DNA2: variants seen among roughly 807,000 people sequenced by gnomAD.
DNA2 encodes DNA replication ATP-dependent helicase/nuclease DNA2.
DNA2 carries 101 observed loss-of-function variants against 119.1 expected under a neutral mutation model. That is an observed-to-expected ratio of 0.85 (90% CI 0.72 to 1.00). The LOEUF (loss-of-function observed/expected upper bound fraction) is 1.00, where lower values mean the gene tolerates loss of function less well. DNA2 is among the 50% of genes least tolerant of loss of function. The pLI is 0.00. For synonymous variants in DNA2, 366 were observed against 424.4 expected (o/e 0.86, Z 1.69); for missense variants, 1,121 against 1,255.5 (o/e 0.89, Z 1.62).
At position 68,414,869 on chromosome 10, in the gene DNA2, C is replaced by CA. The variant is rs1160376323; in HGVS notation, c.*169dup. 2.3e-6 allele frequency: 1 copy of CA among 427,974 alleles called. No homozygotes were observed. Among genetic ancestry groups the CA allele is most frequent in the African/African-American group, 2.0e-5 (1 of 49,232 alleles). 26.5% of individuals were successfully genotyped at this position (427,974 alleles called of 1,614,324 possible). A position where few individuals can be genotyped will look rare whatever the true frequency, so the allele number is the denominator to read the frequency against. ...TATCAAACTCTTTCTCTAGGTTAGG[C>CA]AAAAATGCATGCATAGAACCCATAA... is the stretch of plus-strand genomic sequence containing the variant. On this transcript the variant is annotated 3_prime_UTR_variant, in exon 21 of 21. Coordinates refer to ENST00000358410, the MANE Select transcript of DNA2 (RefSeq NM_001080449.3).
chr10:68,472,194 A>C (rs1026977613), upstream of DNA2: 16 of 1,263,840 alleles, frequency 1.3e-5, no homozygotes, highest in Non-Finnish European at 1.5e-5. Flanking sequence ...TCCCGGGTTC[A>C]CACCATTCTC....
At position 68,419,812 on chromosome 10, in the gene DNA2, A is replaced by G; in HGVS notation, c.2778T>C (p.Ile926=). Residue 926 remains isoleucine (I), a synonymous_variant, in exon 18 of 21, where the codon ATT becomes ATC. Coordinates refer to ENST00000358410, the MANE Select transcript of DNA2 (RefSeq NM_001080449.3). ...EAKLIVFLTS[I]FVKAGCSPSD... ...GAAAATTCTAAATTACCTTAACAAA[A>G]ATGGAGGTTAGGAAAACTATGAGTT... The G allele has an allele frequency of 6.2e-7, 1 of 1,612,904 alleles. No individual in the cohort carries two copies. The highest frequency in any genetic ancestry group is 8.5e-7 in the Non-Finnish European group (1 of 1,179,024).
rs180945539 is a variant in DNA2, at chr10:68,458,479, A to C, written c.719+625T>G. On this transcript the variant is annotated intron_variant, in intron 5 of 20. Transcript: ENST00000358410. ...ACCCCGGGAGGCGGAGGTTGCAGTAAGCCGAAATCATGCCACTGCACTCCA... is the reference window on the plus strand; with the variant it reads ...ACCCCGGGAGGCGGAGGTTGCAGTACGCCGAAATCATGCCACTGCACTCCA... Among the ~76,000 whole-genome samples the C allele has an allele frequency of 9.4e-4, 142 of 151,234 alleles. 1 individual carries two copies. The highest frequency in any genetic ancestry group is 2.0e-3 in the Admixed American group (31 of 15,184).
rs780190996 is a variant in DNA2, at chr10:68,414,346, C to T, written c.*693G>A. On this transcript the variant is annotated 3_prime_UTR_variant, in exon 21 of 21. Transcript: ENST00000358410. ...GGGAAAACTGAGTGATACCCCCAAA[C>T]ATAGGGGCATATGAACATATGTGAA... is the stretch of plus-strand genomic sequence containing the variant. The T allele has an allele frequency of 2.0e-5, 3 of 152,046 alleles. No homozygotes were observed. The highest frequency in any genetic ancestry group is 4.4e-5 in the Non-Finnish European group (3 of 68,010). 9.4% of individuals were successfully genotyped at this position (152,046 alleles called of 1,614,324 possible). A position where few individuals can be genotyped will look rare whatever the true frequency, so the allele number is the denominator to read the frequency against.
At chr10:68,416,011 A>G (rs895258833) in intron 20 of DNA2, among the ~76,000 whole-genome samples, 12 of 152,088 alleles carry the variant, frequency 7.9e-5, no homozygotes, top group Non-Finnish European at 5.9e-5. Flanking sequence ...CCTCCTCTCT[A>G]TTAAAAATTT....
At chr10:68,427,503 C>T (rs1452425136) in intron 14 of DNA2, among the ~76,000 whole-genome samples, 1 of 150,948 alleles carries the variant, frequency 6.6e-6, no homozygotes, top group Non-Finnish European at 1.5e-5. Context: ...AAATATTAGG[C>T]AGGCATGGTG....
chr10:68,452,078 T>C (rs1021226689), intron 5 of DNA2, among the ~76,000 whole-genome samples: 2 of 152,078 alleles, frequency 1.3e-5, no homozygotes, highest in African/African-American at 4.8e-5. Flanking sequence ...TTATCTAAAA[T>C]TTCTTTTTCT....
intron 5 of DNA2, among the ~76,000 whole-genome samples, chr10:68,454,386 C>G (rs570149475): frequency 1.3e-4 from 20 of 149,886 alleles, no homozygotes; most frequent in Middle Eastern, 3.5e-3. Flanking sequence ...TGGGTTAAGA[C>G]TCCACCAAAG....
At chr10:68,466,131 A>G (rs893693391) in intron 3 of DNA2, among the ~76,000 whole-genome samples, 7 of 151,684 alleles carry the variant, frequency 4.6e-5, no homozygotes, top group African/African-American at 1.7e-4. Context: ...AATGATTCTC[A>G]TGCCTCAACC....
intron 3 of DNA2, among the ~76,000 whole-genome samples, chr10:68,467,330 TG>T (rs2052338881): frequency 6.6e-6 from 1 of 152,070 alleles, no homozygotes; most frequent in African/African-American, 2.4e-5. Context: ...AGGCTGGTCT[TG>T]AACTCCTGAC....
intron 4 of DNA2, among the ~76,000 whole-genome samples, chr10:68,461,828 CAAAAA>C (rs554059657): frequency 5.7e-5 from 4 of 70,282 alleles, no homozygotes; most frequent in African/African-American, 1.7e-4. Context: ...AACTCCGTCT[CAAAAA>C]AAAAAAAAAA....
Position 68,430,250 on chromosome 10 carries a change from C to T in DNA2, c.2208+186G>A, listed in dbSNP as rs547914793. ...TAGAAGAGAGCCCTAAATAATAAAC[C>T]CAAAACCTTATTTCAGATCAGAAGG... On this transcript the variant is annotated intron_variant, in intron 14 of 20. Transcript: ENST00000358410. Among the ~76,000 whole-genome samples the T allele has an allele frequency of 1.2e-3, 188 of 152,020 alleles. 1 individual carries two copies. Among genetic ancestry groups the T allele is most frequent in the African/African-American group, 4.3e-3 (178 of 41,488 alleles).
intron 10 of DNA2, 59 bp downstream of exon 10, chr10:68,436,952 A>T: frequency 7.6e-7 from 1 of 1,320,002 alleles, no homozygotes; most frequent in Non-Finnish European, 1.1e-6. Flanking sequence ...TGGATGAACT[A>T]CACAGATGTG....
intron 1 of DNA2, chr10:68,470,517 G>C: frequency 2.4e-6 from 1 of 422,790 alleles, no homozygotes; most frequent in South Asian, 1.7e-5. Context: ...AAGAGGCTGA[G>C]GTGGAAGGAC....
intron 13 of DNA2, among the ~76,000 whole-genome samples, chr10:68,431,058 T>C (rs1449990249): frequency 1.3e-5 from 2 of 152,010 alleles, no homozygotes; most frequent in East Asian, 3.9e-4. Context: ...GAGGACTGTT[T>C]CAGCCCAGGA....
Position 68,445,083 on chromosome 10 carries a change from T to G in DNA2, c.1058A>C (p.Glu353Ala). The G allele has an allele frequency of 6.3e-7, 1 of 1,585,440 alleles. No homozygotes were observed. ...PVPANHLDKR[E>A]LLKLRNQMAF... is the part of the protein sequence containing the mutation. ...CATCTGGTTTCTTAGCTTTAATAATTCTATGAAAAAAAAGGTGAATGTCTT... is the reference window on the plus strand; with the variant it reads ...CATCTGGTTTCTTAGCTTTAATAATGCTATGAAAAAAAAGGTGAATGTCTT... Residue 353 changes from glutamate (E) to alanine (A), a missense_variant and splice_region_variant, in exon 8 of 21, where the codon GAA (glutamate) becomes GCA (alanine). Coordinates refer to ENST00000358410, the MANE Select transcript of DNA2 (RefSeq NM_001080449.3).
chr10:68,418,594 ACCCCCAAC>A (rs909308192), intron 19 of DNA2, among the ~76,000 whole-genome samples: 6 of 134,320 alleles, frequency 4.5e-5, no homozygotes, highest in Non-Finnish European at 9.6e-5. Flanking sequence ...CCCGCCCCTC[ACCCCCAAC>A]CCGCTAAAGG....
At position 68,450,341 on chromosome 10, in the gene DNA2, G is replaced by A. The variant is rs116910421; in HGVS notation, c.720-94C>T. 2,966 of 982,380 alleles carry A rather than the reference G, an allele frequency of 3.0e-3. 11 individuals carry two copies. Among genetic ancestry groups the A allele is most frequent in the South Asian group, 4.9e-3 (311 of 63,504 alleles). The allele number at this position is 982,380 out of a possible 1,614,324, so 60.9% of individuals were successfully genotyped here. A position where few individuals can be genotyped will look rare whatever the true frequency, so the allele number is the denominator to read the frequency against. On this transcript the variant is annotated intron_variant, in intron 5 of 20. Transcript: ENST00000358410. ...ACTGCCTATTACACACAGAGAATGTGGGGAGGGGAAAGAGTCTACCTACCT... is the reference window on the plus strand; with the variant it reads ...ACTGCCTATTACACACAGAGAATGTAGGGAGGGGAAAGAGTCTACCTACCT...
At chr10:68,467,418 G>GT (rs35789808) in intron 3 of DNA2, among the ~76,000 whole-genome samples, 12,711 of 148,642 alleles carry the variant, frequency 0.086, 814 homozygotes, top group African/African-American at 0.18. Context: ...CCCAAAATAC[G>GT]TTTTTTTTTT....
Sources: gnomAD v4.1 joint callset for allele counts (sites outside exome capture counted in the v4.1 genomes callset) on GRCh38, gnomAD v4.1.1 for gene constraint, MANE v1.5 for transcripts, NCBI Gene and HGNC (gene_info 2026-07-23, HGNC 2026-07-21) for gene names.